Variants in ASAP2 observed in about 807,000 individuals in gnomAD.
The protein encoded by ASAP2 is ArfGAP with SH3 domain, ankyrin repeat and PH domain 2.
In ASAP2, 45 loss-of-function variants were observed where a neutral mutation model predicts 131.4. The ratio of observed to expected loss-of-function variants is 0.34; its 90% CI spans 0.27 to 0.44. ASAP2 has a LOEUF of 0.44. Ranked by LOEUF, ASAP2 falls within the 20% of genes least tolerant of loss-of-function variation. The pLI is 1.00. For missense variants in ASAP2, 1,011 were observed against 1,297.0 expected, an observed-to-expected ratio of 0.78 and a Z score of 3.39; for synonymous variants, 510 against 503.0, an observed-to-expected ratio of 1.01 and a Z score of -0.19.
intron 1 of ASAP2, among the ~76,000 whole-genome samples, chr2:9,225,849 A>G (rs1224165476): frequency 1.3e-5 from 2 of 152,190 alleles, no homozygotes; most frequent in Admixed American, 1.3e-4. Context: ...CTCATCTTCT[A>G]GTTTGTGCTG....
intron 17 of ASAP2, among the ~76,000 whole-genome samples, chr2:9,375,837 G>A (rs1043119665): frequency 6.6e-6 from 1 of 152,174 alleles, no homozygotes; most frequent in Non-Finnish European, 1.5e-5. Flanking sequence ...TGAGAGGGGC[G>A]GTTCCCTGGA....
chr2:9,257,721 A>G (rs1665263600), intron 1 of ASAP2, among the ~76,000 whole-genome samples: 1 of 152,140 alleles, frequency 6.6e-6, no homozygotes, highest in African/African-American at 2.4e-5. Flanking sequence ...GGGTTTCACC[A>G]CGTTGGCTAG....
At position 9,344,828 on chromosome 2, in the gene ASAP2, T is replaced by C. The variant is rs949075993; in HGVS notation, c.1023+28T>C. The C allele has an allele frequency of 1.9e-6, 3 of 1,595,098 alleles. No homozygotes were observed. The Admixed American group carries it at 5.0e-5, about 27-fold the overall frequency. ...AAGTATTCTCTTTTAATCCATGGTG[T>C]CTGCTGTATTAGGTGAGGTTGGTGT... On this transcript the variant is annotated intron_variant, in intron 11 of 27. Coordinates refer to ENST00000281419, the MANE Select transcript of ASAP2 (RefSeq NM_003887.3).
At chr2:9,225,559 T>C (rs1662701983) in intron 1 of ASAP2, among the ~76,000 whole-genome samples, 1 of 152,176 alleles carries the variant, frequency 6.6e-6, no homozygotes, top group South Asian at 2.1e-4. Context: ...AGCTGGATTA[T>C]GGAGGGCTGA....
intron 12 of ASAP2, among the ~76,000 whole-genome samples, chr2:9,352,506 G>T (rs1156502173): frequency 6.6e-6 from 1 of 152,006 alleles, no homozygotes; most frequent in Non-Finnish European, 1.5e-5. Flanking sequence ...ACTGCCCTAG[G>T]CCCCTCCAGC....
chr2:9,395,140 G>A (rs1229386773), intron 24 of ASAP2, among the ~76,000 whole-genome samples: 1 of 152,320 alleles, frequency 6.6e-6, no homozygotes, highest in East Asian at 1.9e-4. Flanking sequence ...AGAGAGGACT[G>A]TGGAGTGGCA....
chr2:9,304,311 T>C (rs2148426031), intron 3 of ASAP2, among the ~76,000 whole-genome samples: 1 of 152,302 alleles, frequency 6.6e-6, no homozygotes, highest in Admixed American at 6.5e-5. Context: ...TTTTTGTCAT[T>C]GTGTGTTTTC....
intron 2 of ASAP2, among the ~76,000 whole-genome samples, chr2:9,280,236 G>A (rs540790381): frequency 1.6e-4 from 25 of 152,290 alleles, no homozygotes; most frequent in East Asian, 1.9e-4. Context: ...CCTCACCCTC[G>A]TGGTGTCTTT....
chr2:9,342,727 C>A (rs1671670799), intron 9 of ASAP2, among the ~76,000 whole-genome samples: 1 of 152,212 alleles, frequency 6.6e-6, no homozygotes, highest in Non-Finnish European at 1.5e-5. Flanking sequence ...AAGAGGCTGC[C>A]TGTGCCTTGG....
Position 9,393,642 on chromosome 2 carries a change from G to A in ASAP2, c.2679G>A (p.Ala893=), listed in dbSNP as rs774635664. The change falls in exon 24 of 28, where the codon GCG becomes GCA. Residue 893 remains alanine (A), a synonymous_variant. Coordinates refer to ENST00000281419, the MANE Select transcript of ASAP2 (RefSeq NM_003887.3). Reference sequence around the variant, plus strand: ...GCCGCCTCCCGCAGAAGAAGCCTGCGCCGGGGTAAGCCACCCCCAGCCAGC... The same window carrying A: ...GCCGCCTCCCGCAGAAGAAGCCTGCACCGGGGTAAGCCACCCCCAGCCAGC... The part of the protein sequence containing the change: ...PPSRLPQKKP[A]PGADKSTPLT... The A allele has an allele frequency of 7.2e-5, 113 of 1,567,504 alleles. No homozygotes were observed. The highest frequency in any genetic ancestry group is 9.0e-5 in the Non-Finnish European group (104 of 1,161,016).
Position 9,344,633 on chromosome 2 carries a change from C to T in ASAP2, c.951C>T (p.Asp317=), listed in dbSNP as rs576089706. ...ACGGCAGCCTCTACAAGAAGAGTGA[C>T]GGGTACGTGAGGGGGTGTGGCTAGA... ...ERNGSLYKKS[D]GIRKVWQKRK... The change falls in exon 10 of 28, where the codon GAC becomes GAT. Residue 317 remains aspartate (D), a splice_region_variant and synonymous_variant. Coordinates refer to ENST00000281419, the MANE Select transcript of ASAP2 (RefSeq NM_003887.3). 16 of 1,613,926 alleles carry T rather than the reference C, an allele frequency of 9.9e-6. No individual in the cohort carries two copies. The highest frequency in any genetic ancestry group is 7.7e-5 in the South Asian group (7 of 91,074).
chr2:9,328,378 A>G (rs1445101921), intron 7 of ASAP2, among the ~76,000 whole-genome samples: 1 of 152,246 alleles, frequency 6.6e-6, no homozygotes, highest in Non-Finnish European at 1.5e-5. Context: ...AAAAGCATAT[A>G]TACAACATAA....
chr2:9,300,769 C>T (rs1668426661), intron 3 of ASAP2, among the ~76,000 whole-genome samples: 1 of 152,224 alleles, frequency 6.6e-6, no homozygotes, highest in African/African-American at 2.4e-5. Flanking sequence ...ACACTCCAAA[C>T]CCAAGTTGTT....
At chr2:9,393,085 T>G (rs556226443) in intron 23 of ASAP2, among the ~76,000 whole-genome samples, 23 of 152,134 alleles carry the variant, frequency 1.5e-4, no homozygotes, top group Non-Finnish European at 2.8e-4. Context: ...TAGGGCCTCA[T>G]CCCTTTGGCC....
At chr2:9,387,076 G>C (rs901125867) in intron 21 of ASAP2, among the ~76,000 whole-genome samples, 3 of 125,968 alleles carry the variant, frequency 2.4e-5, no homozygotes, top group African/African-American at 1.5e-4. Context: ...CTTGGTGGTG[G>C]GTGGGGGGGC....
In ASAP2 at chr2:9,215,639, G is replaced by A. The variant is rs571926788; in HGVS notation, c.126+8409G>A. Among the ~76,000 whole-genome samples, 46 of 149,204 alleles carry A rather than the reference G, an allele frequency of 3.1e-4. No homozygotes were observed. The South Asian group carries it at 9.3e-3, about 30-fold the overall frequency. On this transcript the variant is annotated intron_variant, in intron 1 of 27. Coordinates refer to ENST00000281419, the MANE Select transcript of ASAP2 (RefSeq NM_003887.3). ...CCTGGATTCAGACAGAGAATTCCAGGCTTGATGGTAAGATTTGTTTAGCTA... is the reference window on the plus strand; with the variant it reads ...CCTGGATTCAGACAGAGAATTCCAGACTTGATGGTAAGATTTGTTTAGCTA...
chr2:9,382,191 T>C, intron 20 of ASAP2, among the ~76,000 whole-genome samples: 1 of 151,986 alleles, frequency 6.6e-6, no homozygotes, highest in East Asian at 1.9e-4. Context: ...ACCATATTGG[T>C]CAGGCTGGTC....
At chr2:9,208,627 A>G (rs999838856) in intron 1 of ASAP2, among the ~76,000 whole-genome samples, 2 of 152,336 alleles carry the variant, frequency 1.3e-5, no homozygotes, top group South Asian at 4.1e-4. Context: ...AGAGAGCTGC[A>G]TGTAAACCTT....
At chr2:9,276,596 G>T (rs759023682) in intron 1 of ASAP2, among the ~76,000 whole-genome samples, 3 of 151,638 alleles carry the variant, frequency 2.0e-5, no homozygotes, top group Admixed American at 6.6e-5. Flanking sequence ...GGAGTGTAGC[G>T]GCACAATCTT....
Sources: allele counts gnomAD v4.1 joint callset (sites outside exome capture counted in the v4.1 genomes callset), GRCh38; gene constraint gnomAD v4.1.1; transcripts MANE v1.5; gene names NCBI Gene and HGNC (gene_info 2026-07-23, HGNC 2026-07-21).